DCC: variants seen among roughly 807,000 people sequenced by gnomAD.
DCC encodes DCC netrin 1 receptor.
Under a neutral mutation model 172.5 loss-of-function variants are expected in DCC, and 58 were observed. That is an observed-to-expected ratio of 0.34 (90% confidence interval 0.27 to 0.42). DCC has a LOEUF of 0.42. Among genes scored for constraint, DCC ranks in the 10% least tolerant of loss-of-function variants. The pLI, the probability that DCC is intolerant of heterozygous loss-of-function variation, is 1.00. For synonymous variants in DCC, 709 were observed against 644.5 expected (o/e 1.10, Z -1.52); for missense variants, 1,740 against 1,791.0 (o/e 0.97, Z 0.51).
chr18:53,349,031 G>A (rs9960228), intron 15 of DCC, among the ~76,000 whole-genome samples: 2,419 of 152,252 alleles, frequency 0.016, 32 homozygotes, highest in Middle Eastern at 0.031. Flanking sequence ...CAGAAAAATC[G>A]GATTTTCTTT....
intron 1 of DCC, among the ~76,000 whole-genome samples, chr18:52,501,063 C>T (rs57795231): frequency 0.14 from 22,006 of 151,992 alleles, 1,758 homozygotes; most frequent in East Asian, 0.23. Context: ...CAAATAACTG[C>T]GTAACATTGA....
chr18:53,430,145 A>G lies in DCC; in HGVS notation c.3164-4999A>G, dbSNP rs12606005. Among the ~76,000 whole-genome samples the G allele has an allele frequency of 2.7e-3, 407 of 152,272 alleles. 7 individuals carry two copies. In the East Asian group the frequency reaches 0.057, roughly 21 times the overall value. On this transcript the variant is annotated intron_variant, in intron 21 of 28. Coordinates refer to ENST00000442544, the MANE Select transcript of DCC (RefSeq NM_005215.4). The stretch of plus-strand genomic sequence containing the variant: ...TGCTGGTATACAAGACAGAAAATCA[A>G]TGCAATTTCTATCATCATTAGAATT...
intron 2 of DCC, among the ~76,000 whole-genome samples, chr18:52,814,562 G>A (rs2038258132): frequency 6.6e-6 from 1 of 152,038 alleles, no homozygotes. Context: ...TACAAGAAAA[G>A]GTTAAGATAG....
intron 1 of DCC, among the ~76,000 whole-genome samples, chr18:52,711,537 G>C (rs1480034595): frequency 1.3e-5 from 2 of 152,208 alleles, no homozygotes; most frequent in Non-Finnish European, 2.9e-5. Context: ...CTGACCTCTA[G>C]TTTTTGAAGT....
intron 1 of DCC, among the ~76,000 whole-genome samples, chr18:52,706,709 T>G (rs1234814641): frequency 1.3e-5 from 2 of 152,172 alleles, no homozygotes; most frequent in Non-Finnish European, 2.9e-5. Flanking sequence ...CGACCAAGCA[T>G]GGTACCAGGT....
At chr18:53,451,727 C>CTCTCTCTCTT (rs1568140775) in intron 23 of DCC, among the ~76,000 whole-genome samples, 2 of 151,962 alleles carry the variant, frequency 1.3e-5, no homozygotes, top group Non-Finnish European at 2.9e-5. Flanking sequence ...CTCTCTCTCT[C>CTCTCTCTCTT]TCTCTCCATC....
chr18:52,970,309 G>C (rs1310990224), intron 5 of DCC, among the ~76,000 whole-genome samples: 2 of 151,932 alleles, frequency 1.3e-5, no homozygotes, highest in Non-Finnish European at 2.9e-5. Context: ...TTAAACCTTT[G>C]TCACATGTAA....
chr18:53,011,017 A>C (rs1036071081), intron 5 of DCC, among the ~76,000 whole-genome samples: 1 of 151,370 alleles, frequency 6.6e-6, no homozygotes, highest in African/African-American at 2.4e-5. Context: ...TTACATTACA[A>C]ATGCAAATTT....
At chr18:52,794,747 A>C (rs915169357) in intron 2 of DCC, among the ~76,000 whole-genome samples, 19 of 152,066 alleles carry the variant, frequency 1.2e-4, no homozygotes, top group African/African-American at 4.6e-4. Context: ...TTTTCCATTA[A>C]GTACGATGTT....
In DCC at chr18:53,358,117, T is replaced by A. The variant is rs73467248; in HGVS notation, c.2359+18210T>A. Among the ~76,000 whole-genome samples the A allele has an allele frequency of 5.8e-3, 885 of 152,282 alleles. 9 individuals carry two copies. Among genetic ancestry groups the A allele is most frequent in the African/African-American group, 0.02 (839 of 41,568 alleles). On this transcript the variant is annotated intron_variant, in intron 15 of 28. Coordinates refer to ENST00000442544, the MANE Select transcript of DCC (RefSeq NM_005215.4). ...TTGTCCAATTACTATATTCTAAATG[T>A]GAGTAGAATATGGAATCTAATGAAT...
intron 2 of DCC, among the ~76,000 whole-genome samples, chr18:52,812,446 T>A (rs1429965142): frequency 3.9e-5 from 6 of 152,172 alleles, no homozygotes; most frequent in Non-Finnish European, 8.8e-5. Context: ...TTAATGTTTG[T>A]CTTCAAGGAG....
intron 11 of DCC, among the ~76,000 whole-genome samples, chr18:53,211,530 T>C (rs538284210): frequency 1.3e-5 from 2 of 152,282 alleles, no homozygotes; most frequent in South Asian, 4.1e-4. Flanking sequence ...TAAAGCATCC[T>C]GGCTAACATG....
At chr18:52,765,808 T>C (rs8096610) in intron 2 of DCC, among the ~76,000 whole-genome samples, 16,529 of 152,172 alleles carry the variant, frequency 0.11, 2,991 homozygotes, top group African/African-American at 0.38. Context: ...TCAGAATCTA[T>C]CTCTTGGCCA....
chr18:53,211,446 A>G (rs2055750577), intron 11 of DCC, among the ~76,000 whole-genome samples: 1 of 152,200 alleles, frequency 6.6e-6, no homozygotes, highest in South Asian at 2.1e-4. Flanking sequence ...ATTACTGGCC[A>G]GGCATGGTGG....
rs772943273 is a variant in DCC, at chr18:52,744,657, G to A, written c.92-7397G>A. Among the ~76,000 whole-genome samples the A allele has an allele frequency of 6.6e-5, 10 of 152,256 alleles. No individual in the cohort carries two copies. In the East Asian group the frequency reaches 1.5e-3, roughly 24 times the overall value. On this transcript the variant is annotated intron_variant, in intron 1 of 28. Coordinates refer to ENST00000442544, the MANE Select transcript of DCC (RefSeq NM_005215.4). ...AGAAACCCCAATAGTCATAGGTGCT[G>A]GTCCTTTGGTGAGTGCACACTTTCT...
chr18:52,727,577 T>A (rs2036569917), intron 1 of DCC, among the ~76,000 whole-genome samples: 1 of 152,242 alleles, frequency 6.6e-6, no homozygotes, highest in African/African-American at 2.4e-5. Flanking sequence ...ACATTAAAAC[T>A]GCTGAGCTTG....
intron 23 of DCC, among the ~76,000 whole-genome samples, chr18:53,456,980 C>T (rs2045490964): frequency 6.6e-6 from 1 of 152,060 alleles, no homozygotes; most frequent in Non-Finnish European, 1.5e-5. Flanking sequence ...TCTCCAAGGC[C>T]AAAGATTTCT....
intron 5 of DCC, among the ~76,000 whole-genome samples, chr18:53,014,433 TCCCCCC>T (rs2041777271): frequency 8.2e-5 from 3 of 36,800 alleles, no homozygotes; most frequent in African/African-American, 2.2e-4. Flanking sequence ...CCCTCCCCCC[TCCCCCC>T]TCCCCCCACC....
At chr18:53,334,589 C>G (rs72925397) in intron 14 of DCC, among the ~76,000 whole-genome samples, 24,314 of 152,094 alleles carry the variant, frequency 0.16, 2,381 homozygotes, top group African/African-American at 0.27. Context: ...GCCAACCTCC[C>G]CAACCCCCAG....
Sources: gnomAD v4.1 joint callset for allele counts (sites outside exome capture counted in the v4.1 genomes callset) on GRCh38, gnomAD v4.1.1 for gene constraint, MANE v1.5 for transcripts, NCBI Gene and HGNC (gene_info 2026-07-23, HGNC 2026-07-21) for gene names.